Variants in ARHGEF10 observed in about 807,000 individuals in gnomAD.
The protein encoded by ARHGEF10 is Rho guanine nucleotide exchange factor 10.
ARHGEF10 carries 140 observed loss-of-function variants against 147.4 expected under a neutral mutation model. The ratio of observed to expected loss-of-function variants is 0.95; its 90% CI spans 0.83 to 1.09. ARHGEF10 has a LOEUF of 1.09. Among genes scored for constraint, ARHGEF10 ranks in the 50% least tolerant of loss-of-function variants. The pLI is 0.00. For missense variants in ARHGEF10, 2,222 were observed against 1,752.7 expected (o/e 1.27, Z -4.78); for synonymous variants, 902 against 695.8 (o/e 1.30, Z -4.67).
chr8:1,908,251 G>A (rs947568114), intron 17 of ARHGEF10, among the ~76,000 whole-genome samples: 10 of 91,276 alleles, frequency 1.1e-4, no homozygotes, highest in African/African-American at 4.8e-4. Context: ...TTTTTTTTGA[G>A]AAAGAGTCTC....
chr8:1,887,374 G>A (rs1808754860), intron 11 of ARHGEF10, among the ~76,000 whole-genome samples: 1 of 152,232 alleles, frequency 6.6e-6, no homozygotes, highest in Non-Finnish European at 1.5e-5. Flanking sequence ...AAGACCAGTG[G>A]GCAGGATGCG....
chr8:1,858,355 T>C (rs910803964), intron 3 of ARHGEF10, among the ~76,000 whole-genome samples: 8 of 152,074 alleles, frequency 5.3e-5, no homozygotes, highest in Admixed American at 2.6e-4. Context: ...TACGGCCCAA[T>C]TGGAACATTG....
intron 18 of ARHGEF10, among the ~76,000 whole-genome samples, chr8:1,914,710 G>C (rs940844929): frequency 6.6e-6 from 1 of 152,212 alleles, no homozygotes; most frequent in Non-Finnish European, 1.5e-5. Flanking sequence ...TCATCTGAAC[G>C]TTGTACTGTA....
At chr8:1,856,136 G>A (rs931120119) in intron 2 of ARHGEF10, among the ~76,000 whole-genome samples, 1 of 152,214 alleles carries the variant, frequency 6.6e-6, no homozygotes, top group African/African-American at 2.4e-5. Flanking sequence ...AGTGGGTGAG[G>A]CTTTGGTATC....
intron 2 of ARHGEF10, among the ~76,000 whole-genome samples, chr8:1,857,573 A>C (rs978242403): frequency 6.6e-6 from 1 of 151,740 alleles, no homozygotes; most frequent in Non-Finnish European, 1.5e-5. Flanking sequence ...GTGCCCGCCA[A>C]CACGCCTGGC....
chr8:1,868,536 T>C (rs1318790853), intron 6 of ARHGEF10, among the ~76,000 whole-genome samples: 1 of 152,256 alleles, frequency 6.6e-6, no homozygotes, highest in African/African-American at 2.4e-5. Context: ...AGCACGGTTT[T>C]GCTTACAGAA....
chr8:1,880,375 T>C (rs1030364808), intron 9 of ARHGEF10, among the ~76,000 whole-genome samples: 1 of 152,244 alleles, frequency 6.6e-6, no homozygotes, highest in African/African-American at 2.4e-5. Context: ...AGGAACATTC[T>C]GGAGGCTCCA....
intron 15 of ARHGEF10, among the ~76,000 whole-genome samples, chr8:1,899,941 G>A (rs17756731): frequency 0.093 from 14,089 of 152,162 alleles, 838 homozygotes; most frequent in South Asian, 0.22. Flanking sequence ...CCATACGGGC[G>A]GGTGAACCAG....
intron 1 of ARHGEF10, among the ~76,000 whole-genome samples, chr8:1,842,980 T>G (rs773357873): frequency 1.3e-5 from 2 of 152,166 alleles, no homozygotes; most frequent in Admixed American, 1.3e-4. Flanking sequence ...CCCAGCTAAG[T>G]CTGGAAGAAA....
intron 2 of ARHGEF10, among the ~76,000 whole-genome samples, chr8:1,851,886 C>G (rs924069381): frequency 6.6e-6 from 1 of 150,820 alleles, no homozygotes; most frequent in South Asian, 2.1e-4. Context: ...TGCACTCCAG[C>G]GCGGGCAACA....
intron 6 of ARHGEF10, among the ~76,000 whole-genome samples, chr8:1,867,651 G>T (rs750255656): frequency 1.8e-4 from 27 of 152,182 alleles, no homozygotes; most frequent in African/African-American, 6.0e-4. Context: ...CAGATCTGCA[G>T]TCCCACCTGC....
At chr8:1,934,043 A>G (rs979661628) in intron 26 of ARHGEF10, 101 bp downstream of exon 26, 2 of 1,529,162 alleles carry the variant, frequency 1.3e-6, no homozygotes, top group African/African-American at 2.7e-5. Context: ...CTGTGGCTAA[A>G]TTTCCTTCTA....
chr8:1,956,044 A>G (rs570085357), intron 28 of ARHGEF10, among the ~76,000 whole-genome samples: 2 of 152,346 alleles, frequency 1.3e-5, no homozygotes, highest in African/African-American at 2.4e-5. Context: ...TTCATCTGAA[A>G]GCACTTGGGG....
At chr8:1,921,707 C>T (rs1468782568) in intron 18 of ARHGEF10, among the ~76,000 whole-genome samples, 1 of 151,600 alleles carries the variant, frequency 6.6e-6, no homozygotes, top group East Asian at 1.9e-4. Flanking sequence ...CGCACTGCAG[C>T]CTGGGGGACA....
intron 18 of ARHGEF10, among the ~76,000 whole-genome samples, chr8:1,920,769 G>A (rs1439623254): frequency 6.6e-6 from 1 of 150,806 alleles, no homozygotes; most frequent in Non-Finnish European, 1.5e-5. Flanking sequence ...TACTGGATCA[G>A]TTTGCTCTTT....
At chr8:1,920,825 C>T (rs1301001670) in intron 18 of ARHGEF10, among the ~76,000 whole-genome samples, 1 of 151,894 alleles carries the variant, frequency 6.6e-6, no homozygotes, top group Non-Finnish European at 1.5e-5. Flanking sequence ...GCTCTTGTTG[C>T]CCAGGCTGGA....
upstream of ARHGEF10, chr8:1,823,833 G>C (rs1802558069): frequency 6.6e-6 from 1 of 151,890 alleles, no homozygotes; most frequent in African/African-American, 2.4e-5. Context: ...GGGCGCTGCC[G>C]AGAAACCGGC....
At chr8:1,955,773 G>A (rs1815514799) in intron 28 of ARHGEF10, among the ~76,000 whole-genome samples, 1 of 152,280 alleles carries the variant, frequency 6.6e-6, no homozygotes, top group South Asian at 2.1e-4. Flanking sequence ...GTATATTTGT[G>A]TGGCTGGCTC....
At chr8:1,866,281 G>A (rs1029372220) in intron 5 of ARHGEF10, among the ~76,000 whole-genome samples, 7 of 152,208 alleles carry the variant, frequency 4.6e-5, no homozygotes, top group African/African-American at 9.7e-5. Flanking sequence ...GCCCTTGCCC[G>A]TGTTCTGTGC....
Sources: allele counts gnomAD v4.1 joint callset (sites outside exome capture counted in the v4.1 genomes callset), GRCh38; gene constraint gnomAD v4.1.1; transcripts MANE v1.5; gene names NCBI Gene and HGNC (gene_info 2026-07-23, HGNC 2026-07-21).